SLC24A4: variants seen among roughly 807,000 people sequenced by gnomAD.
SLC24A4 encodes the protein sodium/potassium/calcium exchanger 4.
A neutral mutation model predicts 79.0 loss-of-function variants in SLC24A4; 53 were observed. The observed-to-expected ratio is 0.67, with a 90% CI of 0.54 to 0.84. The LOEUF (loss-of-function observed/expected upper bound fraction) is 0.84, where lower values mean the gene tolerates loss of function less well. Ranked by LOEUF, SLC24A4 falls within the 40% of genes least tolerant of loss-of-function variation. The pLI, the probability that SLC24A4 is intolerant of heterozygous loss-of-function variation, is 0.00. For synonymous variants in SLC24A4, 323 were observed against 323.8 expected (o/e 1.00, Z 0.03); for missense variants, 731 against 822.0 (o/e 0.89, Z 1.35).
chr14:92,399,984 G>A (rs1011699294), intron 2 of SLC24A4, among the ~76,000 whole-genome samples: 2 of 152,044 alleles, frequency 1.3e-5, no homozygotes, highest in Non-Finnish European at 2.9e-5. Context: ...CGACTTTCTG[G>A]ACTCAGGCAA....
intron 12 of SLC24A4, among the ~76,000 whole-genome samples, chr14:92,472,872 C>T (rs1894513688): frequency 6.6e-6 from 1 of 152,160 alleles, no homozygotes; most frequent in Admixed American, 6.5e-5. Context: ...CACTGTTTTC[C>T]ATAGTGGTTG....
At chr14:92,392,241 G>A (rs79553353) in intron 2 of SLC24A4, among the ~76,000 whole-genome samples, 2,702 of 151,220 alleles carry the variant, frequency 0.018, 88 homozygotes, top group African/African-American at 0.062. Flanking sequence ...GTCCTGAGCT[G>A]AAAAGCATAT....
intron 2 of SLC24A4, among the ~76,000 whole-genome samples, chr14:92,401,522 T>C (rs986642218): frequency 2.6e-5 from 4 of 152,112 alleles, no homozygotes; most frequent in Non-Finnish European, 4.4e-5. Flanking sequence ...CAGAAGGACT[T>C]AGAAGGAACC....
At chr14:92,464,649 C>T (rs1894001163) in intron 12 of SLC24A4, among the ~76,000 whole-genome samples, 1 of 152,152 alleles carries the variant, frequency 6.6e-6, no homozygotes. Flanking sequence ...TTCTGCTTTT[C>T]AAATCAGAGA....
Position 92,482,746 on chromosome 14 carries a change from T to C in SLC24A4, c.1322T>C (p.Ile441Thr), listed in dbSNP as rs750242621. 1 of 1,614,160 alleles carries C rather than the reference T, an allele frequency of 6.2e-7. No individual in the cohort carries two copies. The highest frequency in any genetic ancestry group is 1.1e-5 in the South Asian group (1 of 91,078). Residue 441 changes from isoleucine to threonine, a missense_variant, in exon 13 of 17, where the codon ATT (isoleucine) becomes ACT (threonine). Transcript: ENST00000532405. ...CTCATCTTCCTCCTGTGCGTCACCATTCCCAACTGCAGCAAGCCCCGCTGG... is the reference window on the plus strand; with the variant it reads ...CTCATCTTCCTCCTGTGCGTCACCACTCCCAACTGCAGCAAGCCCCGCTGG... ...WPLIFLLCVTIPNCSKPRWEK... is the reference protein window; with the variant it reads ...WPLIFLLCVTTPNCSKPRWEK...
intron 2 of SLC24A4, among the ~76,000 whole-genome samples, chr14:92,367,337 A>G (rs8012948): frequency 6.6e-6 from 1 of 152,050 alleles, no homozygotes; most frequent in African/African-American, 2.4e-5. Flanking sequence ...CACTTAACTC[A>G]TGCTAAGTTG....
At chr14:92,440,765 T>G (rs112707091) in intron 4 of SLC24A4, among the ~76,000 whole-genome samples, 4 of 151,470 alleles carry the variant, frequency 2.6e-5, no homozygotes, top group African/African-American at 9.7e-5. Flanking sequence ...GGGGAGCATC[T>G]CTCTTGGGGG....
chr14:92,482,272 G>A (rs918453835), intron 12 of SLC24A4, among the ~76,000 whole-genome samples: 5 of 152,232 alleles, frequency 3.3e-5, no homozygotes, highest in Non-Finnish European at 7.3e-5. Context: ...CCCTGTTGTT[G>A]TTACATCTAA....
chr14:92,332,525 C>A (rs1885539549), intron 2 of SLC24A4, among the ~76,000 whole-genome samples: 1 of 152,160 alleles, frequency 6.6e-6, no homozygotes, highest in Admixed American at 6.5e-5. Context: ...ATTAGCTGGG[C>A]ATTGTGGGGA....
At chr14:92,436,082 A>G (rs900863155) in intron 3 of SLC24A4, among the ~76,000 whole-genome samples, 7 of 152,218 alleles carry the variant, frequency 4.6e-5, no homozygotes, top group African/African-American at 1.7e-4. Context: ...AATAAAGAAA[A>G]GAGGTTTAAC....
intron 2 of SLC24A4, among the ~76,000 whole-genome samples, chr14:92,388,009 T>A (rs79058151): frequency 3.3e-5 from 5 of 152,358 alleles, no homozygotes; most frequent in African/African-American, 1.2e-4. Flanking sequence ...TGAATGTGAG[T>A]GTGCAGATGT....
At chr14:92,425,565 G>A (rs910338828) in intron 2 of SLC24A4, among the ~76,000 whole-genome samples, 1 of 152,230 alleles carries the variant, frequency 6.6e-6, no homozygotes, top group Admixed American at 6.5e-5. Flanking sequence ...CTGTTGTCCT[G>A]TATGGACCAG....
chr14:92,411,562 CTTGGTTGT>C (rs1890716376), intron 2 of SLC24A4, among the ~76,000 whole-genome samples: 1 of 152,172 alleles, frequency 6.6e-6, no homozygotes, highest in Admixed American at 6.5e-5. Context: ...CCAGAGCTGT[CTTGGTTGT>C]TTGTATGAGA....
chr14:92,328,115 T>C (rs1185018569), intron 2 of SLC24A4, among the ~76,000 whole-genome samples: 1 of 152,152 alleles, frequency 6.6e-6, no homozygotes, highest in Non-Finnish European at 1.5e-5. Context: ...GTGCCAGGCC[T>C]CTCCCTTGTA....
At chr14:92,474,415 A>G (rs993337100) in intron 12 of SLC24A4, among the ~76,000 whole-genome samples, 2 of 152,126 alleles carry the variant, frequency 1.3e-5, no homozygotes, top group African/African-American at 4.8e-5. Flanking sequence ...GAACTCATAC[A>G]AGTGACTTTC....
chr14:92,474,360 A>C (rs1894595222), intron 12 of SLC24A4, among the ~76,000 whole-genome samples: 1 of 152,174 alleles, frequency 6.6e-6, no homozygotes, highest in Admixed American at 6.5e-5. Flanking sequence ...GCCATGCAAG[A>C]ATCCAGCAGG....
chr14:92,330,318 TA>T (rs200792016), intron 2 of SLC24A4, among the ~76,000 whole-genome samples: 1 of 152,224 alleles, frequency 6.6e-6, no homozygotes, highest in Non-Finnish European at 1.5e-5. Flanking sequence ...GCCATTTTCC[TA>T]AAAAACATGT....
At chr14:92,417,353 G>T (rs919912086) in intron 2 of SLC24A4, among the ~76,000 whole-genome samples, 1 of 147,468 alleles carries the variant, frequency 6.8e-6, no homozygotes, top group Non-Finnish European at 1.5e-5. Context: ...ATTTAAAAAA[G>T]AAAAATAGCT....
At chr14:92,455,695 A>T (rs1379099422) in intron 11 of SLC24A4, among the ~76,000 whole-genome samples, 1 of 151,978 alleles carries the variant, frequency 6.6e-6, no homozygotes, top group Non-Finnish European at 1.5e-5. Context: ...AAACATCATT[A>T]ATCTGTGCAC....
Sources: allele counts gnomAD v4.1 joint callset (sites outside exome capture counted in the v4.1 genomes callset), GRCh38; gene constraint gnomAD v4.1.1; transcripts MANE v1.5; gene names NCBI Gene and HGNC (gene_info 2026-07-23, HGNC 2026-07-21).